GSG1L: variants seen among roughly 807,000 people sequenced by gnomAD.
GSG1L encodes the protein GSG1 like.
In GSG1L, 24 loss-of-function variants were observed where a neutral mutation model predicts 42.1. The ratio of observed to expected loss-of-function variants is 0.57; its 90% CI spans 0.41 to 0.80. The LOEUF is 0.80. Among genes scored for constraint, GSG1L ranks in the 30% least tolerant of loss-of-function variants. The probability of loss-of-function intolerance (pLI) is 0.00; values close to 1 mark genes in which losing one functional copy is unlikely to be tolerated. For synonymous variants in GSG1L, 215 were observed against 203.5 expected, an observed-to-expected ratio of 1.06 and a Z score of -0.48; for missense variants, 445 against 472.2, an observed-to-expected ratio of 0.94 and a Z score of 0.53.
At chr16:27,920,911 G>T (rs1243624340) in intron 2 of GSG1L, among the ~76,000 whole-genome samples, 1 of 152,150 alleles carries the variant, frequency 6.6e-6, no homozygotes, top group Non-Finnish European at 1.5e-5. Context: ...TAGTCGTGGG[G>T]AATAAGGGGC....
At chr16:27,997,478 G>T (rs560153660) in intron 1 of GSG1L, among the ~76,000 whole-genome samples, 262 of 151,348 alleles carry the variant, frequency 1.7e-3, no homozygotes, top group Non-Finnish European at 3.2e-3. Flanking sequence ...CACCATCATG[G>T]TTCTCCACTT....
intron 1 of GSG1L, among the ~76,000 whole-genome samples, chr16:27,973,711 C>T (rs192266764): frequency 6.6e-6 from 1 of 152,214 alleles, no homozygotes; most frequent in Admixed American, 6.5e-5. Flanking sequence ...TCAATATGAA[C>T]CTTTTGGTGC....
chr16:27,900,973 C>T (rs2084250423), intron 2 of GSG1L, among the ~76,000 whole-genome samples: 1 of 151,974 alleles, frequency 6.6e-6, no homozygotes, highest in Non-Finnish European at 1.5e-5. Flanking sequence ...ACTAAAAATA[C>T]AAAATTTAGC....
At chr16:27,791,661 T>C (rs1252406054) in intron 6 of GSG1L, among the ~76,000 whole-genome samples, 194 bp from the exon 7 acceptor site, 1 of 151,818 alleles carries the variant, frequency 6.6e-6, no homozygotes, top group South Asian at 2.1e-4. Flanking sequence ...AGCCACCCAG[T>C]CACCCACCAG....
intron 4 of GSG1L, among the ~76,000 whole-genome samples, chr16:27,840,205 AT>A (rs2083365468): frequency 6.6e-6 from 1 of 151,616 alleles, no homozygotes; most frequent in African/African-American, 2.4e-5. Context: ...AATTATTTTT[AT>A]TTTTTATTGT....
intron 2 of GSG1L, among the ~76,000 whole-genome samples, chr16:27,901,757 G>A (rs989476945): frequency 3.3e-5 from 5 of 152,160 alleles, no homozygotes; most frequent in Non-Finnish European, 5.9e-5. Flanking sequence ...GTGATGCCCC[G>A]TAGTGCTTGG....
chr16:27,824,247 C>T (rs2083182291), intron 5 of GSG1L, among the ~76,000 whole-genome samples: 1 of 152,228 alleles, frequency 6.6e-6, no homozygotes, highest in African/African-American at 2.4e-5. Flanking sequence ...TCTGGATTCT[C>T]CCATCCTGGG....
chr16:27,841,522 C>G (rs960103579), intron 4 of GSG1L, among the ~76,000 whole-genome samples: 2 of 152,188 alleles, frequency 1.3e-5, no homozygotes. Context: ...GAGCTGTTCT[C>G]CTCTCCAGTA....
At chr16:28,033,958 C>T (rs1433016337) in intron 1 of GSG1L, among the ~76,000 whole-genome samples, 1 of 152,180 alleles carries the variant, frequency 6.6e-6, no homozygotes, top group Non-Finnish European at 1.5e-5. Flanking sequence ...ACAGCGCACA[C>T]ACACATAAAT....
At chr16:28,062,950 G>A (rs2086359864) in intron 1 of GSG1L, 126 bp downstream of exon 1, 1 of 1,184,060 alleles carries the variant, frequency 8.4e-7, no homozygotes, top group African/African-American at 1.6e-5. Flanking sequence ...CCCCTAGCCA[G>A]GCGGAGCGCT....
chr16:27,987,309 G>A (rs1345826693), intron 1 of GSG1L, among the ~76,000 whole-genome samples: 3 of 151,898 alleles, frequency 2.0e-5, no homozygotes, highest in African/African-American at 4.8e-5. Flanking sequence ...AGATATTTTC[G>A]CCTGGGTCTA....
chr16:28,022,223 T>C (rs1302684300), intron 1 of GSG1L, among the ~76,000 whole-genome samples: 1 of 152,100 alleles, frequency 6.6e-6, no homozygotes, highest in Non-Finnish European at 1.5e-5. Context: ...TGCTGGGTGG[T>C]GGCAATATTT....
At chr16:27,955,411 G>A (rs2084992033) in intron 2 of GSG1L, among the ~76,000 whole-genome samples, 1 of 151,892 alleles carries the variant, frequency 6.6e-6, no homozygotes, top group African/African-American at 2.4e-5. Flanking sequence ...AATGAAAATG[G>A]AAGATTAAAA....
In GSG1L at chr16:27,957,273, G is replaced by A. The variant is rs560619621; in HGVS notation, c.397+5883C>T. Among the ~76,000 whole-genome samples, 13 of 152,330 alleles carry A rather than the reference G, an allele frequency of 8.5e-5. No individual in the cohort carries two copies. In the South Asian group the frequency reaches 2.3e-3, roughly 27 times the overall value. On this transcript the variant is annotated intron_variant, in intron 2 of 6. Transcript: ENST00000447459. ...GAGTCACGAGAATCACTTGAACCCA[G>A]GAGGTGGAGTTTGCAGTAAGCCAAG...
chr16:28,056,376 A>C (rs1299166588), intron 1 of GSG1L, among the ~76,000 whole-genome samples: 2 of 150,890 alleles, frequency 1.3e-5, no homozygotes, highest in Non-Finnish European at 2.9e-5. Context: ...CAAGGACAAA[A>C]AACCAAACAC....
chr16:27,899,384 C>T (rs2141040686), intron 2 of GSG1L, among the ~76,000 whole-genome samples: 1 of 152,262 alleles, frequency 6.6e-6, no homozygotes, highest in African/African-American at 2.4e-5. Flanking sequence ...TCGATTTCCT[C>T]ACCTGACTCA....
chr16:27,820,794 TAGAC>T (rs942146490), intron 5 of GSG1L, among the ~76,000 whole-genome samples: 1 of 152,058 alleles, frequency 6.6e-6, no homozygotes, highest in African/African-American at 2.4e-5. Context: ...ATCCCAGTGA[TAGAC>T]AGATAGCTGC....
intron 1 of GSG1L, among the ~76,000 whole-genome samples, chr16:28,031,612 T>C (rs1214267328): frequency 1.3e-5 from 2 of 152,140 alleles, no homozygotes; most frequent in Non-Finnish European, 1.5e-5. Context: ...GATGCACCCA[T>C]TTGTTCATTA....
intron 3 of GSG1L, among the ~76,000 whole-genome samples, chr16:27,880,874 C>T (rs1333972466): frequency 6.6e-6 from 1 of 151,878 alleles, no homozygotes; most frequent in Admixed American, 6.6e-5. Flanking sequence ...GATGAACCTG[C>T]TGATGAAGGA....
Sources: gnomAD v4.1 joint callset for allele counts (sites outside exome capture counted in the v4.1 genomes callset) on GRCh38, gnomAD v4.1.1 for gene constraint, MANE v1.5 for transcripts, NCBI Gene and HGNC (gene_info 2026-07-23, HGNC 2026-07-21) for gene names.